HDAC1: variants seen among roughly 807,000 people sequenced by gnomAD.
The protein encoded by HDAC1 is protein deacetylase HDAC1.
HDAC1 carries 18 observed loss-of-function variants against 65.5 expected under a neutral mutation model. That is an observed-to-expected ratio of 0.27 (90% CI 0.19 to 0.41). The LOEUF (loss-of-function observed/expected upper bound fraction) is 0.41. Among genes scored for constraint, HDAC1 ranks in the 10% least tolerant of loss-of-function variants. The pLI, the probability that HDAC1 is intolerant of heterozygous loss-of-function variation, is 1.00. For synonymous variants in HDAC1, 211 were observed against 227.9 expected (o/e 0.93, Z 0.67); for missense variants, 373 against 625.2 (o/e 0.60, Z 4.30).
At chr1:32,308,685 A>T (rs1442375320) in intron 2 of HDAC1, among the ~76,000 whole-genome samples, 1 of 151,698 alleles carries the variant, frequency 6.6e-6, no homozygotes, top group Admixed American at 6.6e-5. Context: ...CGCCTGGCTA[A>T]TTTTTTGTAT....
At chr1:32,332,407 A>G (rs1641305867) in intron 12 of HDAC1, among the ~76,000 whole-genome samples, 165 bp downstream of exon 12, 1 of 152,052 alleles carries the variant, frequency 6.6e-6, no homozygotes, top group African/African-American at 2.4e-5. Context: ...CCCACAAAAC[A>G]ATGAACCTCT....
In HDAC1 at chr1:32,327,311, C is replaced by T. The variant is rs1311525817; in HGVS notation, c.495-225C>T. The T allele has an allele frequency of 1.6e-6, 1 of 617,160 alleles. No individual in the cohort carries two copies. The highest frequency in any genetic ancestry group is 1.8e-5 in the African/African-American group (1 of 54,226). 38.2% of individuals were successfully genotyped at this position (617,160 alleles called of 1,614,324 possible). ...CTGCCTCCAGAGTGTCCCTGTGTGGCTGGAGTTGACCCTGGCTGTAGAGTA... is the reference window on the plus strand; with the variant it reads ...CTGCCTCCAGAGTGTCCCTGTGTGGTTGGAGTTGACCCTGGCTGTAGAGTA... On this transcript the variant is annotated intron_variant, in intron 5 of 13. Transcript: ENST00000373548. The surrounding 1 kb of genome is among the most constrained non-coding windows in gnomAD (Gnocchi z 6.0).
At position 32,329,038 on chromosome 1, in the gene HDAC1, C is replaced by T. The variant is rs755603614; in HGVS notation, c.637-30C>T. ...TGACCTTCCTTCAAGCTTCATCCTT[C>T]AGTTTTACTTTAATGGCCTTTTTAA... On this transcript the variant is annotated intron_variant, in intron 6 of 13. Transcript: ENST00000373548. The surrounding 1 kb of genome is among the most constrained non-coding windows in gnomAD (Gnocchi z 4.1). 3 of 1,318,118 alleles carry T rather than the reference C, an allele frequency of 2.3e-6. No individual in the cohort carries two copies. The highest frequency in any genetic ancestry group is 2.2e-6 in the Non-Finnish European group (2 of 910,598). 81.7% of individuals were successfully genotyped at this position (1,318,118 alleles called of 1,614,324 possible). A position where few individuals can be genotyped will look rare whatever the true frequency, so the allele number is the denominator to read the frequency against.
chr1:32,316,522 A>C, intron 2 of HDAC1, 143 bp from the exon 3 acceptor site: 1 of 649,198 alleles, frequency 1.5e-6, no homozygotes, highest in Non-Finnish European at 2.8e-6. Flanking sequence ...AAATTTCTTG[A>C]AGCCTGAATC....
At chr1:32,326,191 C>T (rs777430884) in intron 4 of HDAC1, among the ~76,000 whole-genome samples, 1 of 151,476 alleles carries the variant, frequency 6.6e-6, no homozygotes, top group Non-Finnish European at 1.5e-5. Context: ...AATAGAGTCT[C>T]CCTCCATCAC....
intron 2 of HDAC1, among the ~76,000 whole-genome samples, chr1:32,311,880 G>T (rs1209201048): frequency 1.3e-5 from 2 of 152,190 alleles, no homozygotes; most frequent in Non-Finnish European, 1.5e-5. Flanking sequence ...AATGGAGTTT[G>T]TGCAGTCATC....
intron 3 of HDAC1, among the ~76,000 whole-genome samples, chr1:32,323,301 CAAAA>C (rs887516152): frequency 6.8e-6 from 1 of 146,282 alleles, no homozygotes; most frequent in South Asian, 2.2e-4. Flanking sequence ...AACTCCGTCT[CAAAA>C]AAAAAACAGA....
chr1:32,303,680 A>G (rs1253644468), intron 2 of HDAC1, among the ~76,000 whole-genome samples: 1 of 152,138 alleles, frequency 6.6e-6, no homozygotes, highest in African/African-American at 2.4e-5. Flanking sequence ...TGTTATCCCA[A>G]GAAACCTTGT....
chr1:32,309,798 G>A (rs530831038), intron 2 of HDAC1, among the ~76,000 whole-genome samples: 41 of 152,038 alleles, frequency 2.7e-4, no homozygotes, highest in African/African-American at 9.6e-4. Flanking sequence ...GTGCTCAAGT[G>A]ATTCTCCTGC....
At chr1:32,301,730 A>G (rs1640851427) in intron 1 of HDAC1, among the ~76,000 whole-genome samples, 1 of 152,188 alleles carries the variant, frequency 6.6e-6, no homozygotes, top group Non-Finnish European at 1.5e-5. Flanking sequence ...AGATTGCACC[A>G]CTGCACTCCA....
At chr1:32,326,338 T>C (rs1641217036) in intron 4 of HDAC1, among the ~76,000 whole-genome samples, 1 of 151,948 alleles carries the variant, frequency 6.6e-6, no homozygotes, top group South Asian at 2.1e-4. Flanking sequence ...AATTTTTTCG[T>C]ATTTTTAATA....
Position 32,332,569 on chromosome 1 carries a change from C to T in HDAC1, c.1373-132C>T, listed in dbSNP as rs1641309263. ...TTCTCAACAGGGCTCACTGGGAGGA[C>T]CAGGGATGGGCTTTTCTCTCTTTAT... On this transcript the variant is annotated intron_variant, in intron 12 of 13. Transcript: ENST00000373548. 1.3e-5 allele frequency: 9 copies of T among 710,606 alleles called. No homozygotes were observed. In the South Asian group the frequency reaches 1.6e-4, roughly 13 times the overall value. 44.0% of individuals were successfully genotyped at this position (710,606 alleles called of 1,614,324 possible).
At chr1:32,316,016 C>T (rs1463248402) in intron 2 of HDAC1, among the ~76,000 whole-genome samples, 1 of 150,330 alleles carries the variant, frequency 6.7e-6, no homozygotes, top group Non-Finnish European at 1.5e-5. Context: ...GGCTTGGTGG[C>T]TCATGCCTGT....
At chr1:32,324,867 C>G (rs959149007) in intron 4 of HDAC1, among the ~76,000 whole-genome samples, 1 of 152,162 alleles carries the variant, frequency 6.6e-6, no homozygotes, top group African/African-American at 2.4e-5. Flanking sequence ...GTCCCAGCTA[C>G]TCAGGAGGCT....
At chr1:32,307,102 A>T (rs57246329) in intron 2 of HDAC1, among the ~76,000 whole-genome samples, 1 of 152,174 alleles carries the variant, frequency 6.6e-6, no homozygotes, top group African/African-American at 2.4e-5. Context: ...AAAATTAGCC[A>T]GACGTGGTGG....
intron 2 of HDAC1, among the ~76,000 whole-genome samples, chr1:32,305,312 AT>A (rs781520569): frequency 7.1e-4 from 108 of 152,280 alleles, no homozygotes; most frequent in Non-Finnish European, 1.3e-3. Context: ...TTTCTTGAAC[AT>A]GTCTCTTGAT....
chr1:32,302,878 A>G (rs1278603082), intron 2 of HDAC1, 145 bp downstream of exon 2: 1 of 608,330 alleles, frequency 1.6e-6, no homozygotes, highest in African/African-American at 1.8e-5. Flanking sequence ...ACTGTAAATG[A>G]TAAAGATTTT....
At chr1:32,300,821 A>G (rs1640838036) in intron 1 of HDAC1, among the ~76,000 whole-genome samples, 1 of 152,270 alleles carries the variant, frequency 6.6e-6, no homozygotes, top group East Asian at 1.9e-4. Flanking sequence ...AACTTTTTCT[A>G]TATAGGGCCA....
chr1:32,300,252 G>C lies in HDAC1; in HGVS notation c.50-2369G>C, dbSNP rs111914150. On this transcript the variant is annotated intron_variant, in intron 1 of 13. Coordinates refer to ENST00000373548, the MANE Select transcript of HDAC1 (RefSeq NM_004964.3). ...GGCATATTAATCCTTGCCTTCAAGGGGTACCCAGTCTTGTGGATATAGTCA... is the reference window on the plus strand; with the variant it reads ...GGCATATTAATCCTTGCCTTCAAGGCGTACCCAGTCTTGTGGATATAGTCA... 9.1e-4 allele frequency among the ~76,000 whole-genome samples: 138 copies of C among 151,984 alleles called. 1 individual carries two copies. Among genetic ancestry groups the C allele is most frequent in the African/African-American group, 3.2e-3 (131 of 41,462 alleles).
Sources: allele counts gnomAD v4.1 joint callset (sites outside exome capture counted in the v4.1 genomes callset), GRCh38; gene constraint gnomAD v4.1.1; non-coding constraint Gnocchi (gnomAD v3.1); transcripts MANE v1.5; gene names NCBI Gene and HGNC (gene_info 2026-07-23, HGNC 2026-07-21).